The following CDH13 variants were observed in gnomAD, a reference collection of about 807,000 sequenced individuals.
The protein encoded by CDH13 is cadherin-13.
CDH13 carries 24 observed loss-of-function variants against 63.8 expected under a neutral mutation model. That is an observed-to-expected ratio of 0.38 (90% CI 0.27 to 0.53). The LOEUF (loss-of-function observed/expected upper bound fraction) is 0.53. Ranked by LOEUF, CDH13 falls within the 20% of genes least tolerant of loss-of-function variation. CDH13 has a pLI of 0.85. For synonymous variants in CDH13, 503 were observed against 355.3 expected, an observed-to-expected ratio of 1.42 and a Z score of -4.67; for missense variants, 1,049 against 903.1, an observed-to-expected ratio of 1.16 and a Z score of -2.07.
At chr16:82,887,258 C>G (rs1379825880) in intron 2 of CDH13, among the ~76,000 whole-genome samples, 1 of 152,130 alleles carries the variant, frequency 6.6e-6, no homozygotes, top group African/African-American at 2.4e-5. Flanking sequence ...GTTGTGACTA[C>G]TACACAAAAG....
At chr16:82,632,742 C>G (rs1908168548) in intron 1 of CDH13, among the ~76,000 whole-genome samples, 1 of 152,160 alleles carries the variant, frequency 6.6e-6, no homozygotes, top group South Asian at 2.1e-4. Context: ...AAGCACATTA[C>G]ATTTATTATG....
intron 6 of CDH13, among the ~76,000 whole-genome samples, chr16:83,409,468 C>T (rs2092095798): frequency 6.6e-6 from 1 of 152,160 alleles, no homozygotes; most frequent in Admixed American, 6.5e-5. Flanking sequence ...GAGCCTGCTC[C>T]AAGAATGGTT....
intron 1 of CDH13, among the ~76,000 whole-genome samples, chr16:82,683,376 G>C (rs1914749297): frequency 6.6e-6 from 1 of 152,088 alleles, no homozygotes; most frequent in Admixed American, 6.5e-5. Context: ...TATCTGACTT[G>C]CTGAGCTCAC....
chr16:82,860,575 G>C (rs988725641), intron 2 of CDH13, among the ~76,000 whole-genome samples: 15 of 151,870 alleles, frequency 9.9e-5, no homozygotes, highest in Admixed American at 3.3e-4. Context: ...TTGTATATGA[G>C]TTGTTGGGTC....
chr16:83,704,317 T>G (rs1008784629), intron 10 of CDH13, among the ~76,000 whole-genome samples: 2 of 152,126 alleles, frequency 1.3e-5, no homozygotes. Context: ...CCCTCAAAGA[T>G]ACAATAAAAT....
At chr16:83,117,185 T>C (rs1448423367) in intron 3 of CDH13, among the ~76,000 whole-genome samples, 1 of 152,218 alleles carries the variant, frequency 6.6e-6, no homozygotes, top group Non-Finnish European at 1.5e-5. Flanking sequence ...TCACTCCTCA[T>C]GCGGAGTAAA....
chr16:83,220,352 G>A (rs1288417169), intron 5 of CDH13, among the ~76,000 whole-genome samples: 1 of 152,166 alleles, frequency 6.6e-6, no homozygotes, highest in Non-Finnish European at 1.5e-5. Flanking sequence ...CATTCCAAGT[G>A]CCTGTTTAAG....
At chr16:82,779,371 C>T (rs576821049) in intron 1 of CDH13, among the ~76,000 whole-genome samples, 5 of 152,294 alleles carry the variant, frequency 3.3e-5, no homozygotes, top group South Asian at 4.1e-4. Flanking sequence ...GAGCAGAGGC[C>T]GCTTTGAGAA....
rs1381520521 is a variant in CDH13, at chr16:83,047,550, A to G, written c.366+15332A>G. 6.6e-6 allele frequency among the ~76,000 whole-genome samples: 1 copy of G among 152,138 alleles called. No individual in the cohort carries two copies. Among genetic ancestry groups the G allele is most frequent in the Non-Finnish European group, 1.5e-5 (1 of 68,034 alleles). ...ATAAGAAAGAAGACCTAAAAACTGA[A>G]TTTTTAAAATACAAACAGAAAAAAA... On this transcript the variant is annotated intron_variant, in intron 3 of 13. Coordinates refer to ENST00000567109, the MANE Select transcript of CDH13 (RefSeq NM_001257.5). This position sits in a 1 kb window ranked among gnomAD's most constrained non-coding sequence, Gnocchi z 4.9.
chr16:83,647,098 C>T (rs1911895967), intron 8 of CDH13, among the ~76,000 whole-genome samples: 1 of 152,026 alleles, frequency 6.6e-6, no homozygotes, highest in African/African-American at 2.4e-5. Flanking sequence ...ATCACGAGGT[C>T]AGGAGATCGA....
chr16:83,510,739 G>A (rs559619208), intron 7 of CDH13, among the ~76,000 whole-genome samples: 167 of 152,276 alleles, frequency 1.1e-3, no homozygotes, highest in African/African-American at 3.8e-3. Context: ...TAAGCCAAAG[G>A]GGGTTTGGGT....
intron 3 of CDH13, among the ~76,000 whole-genome samples, chr16:83,089,249 A>G (rs1412275104): frequency 6.6e-6 from 1 of 152,210 alleles, no homozygotes; most frequent in Admixed American, 6.5e-5. Context: ...CTAACGTCAC[A>G]TCTCTATTTG....
rs1415629188 is a variant in CDH13 at position 83,797,874 on chromosome 16, T to C, written c.*2844T>C. The C allele has an allele frequency of 6.6e-6, 1 of 152,248 alleles. No homozygotes were observed. Among genetic ancestry groups the C allele is most frequent in the Non-Finnish European group, 1.5e-5 (1 of 68,050 alleles). 9.4% of individuals were successfully genotyped at this position (152,248 alleles called of 1,614,324 possible). On this transcript the variant is annotated 3_prime_UTR_variant, in exon 14 of 14. Coordinates refer to ENST00000567109, the MANE Select transcript of CDH13 (RefSeq NM_001257.5). ...CCTCATTTTACATACGATAAATTAA[T>C]TATTTTGGATAATTTGTTTTAATAA...
chr16:82,684,079 G>C (rs7194409), intron 1 of CDH13, among the ~76,000 whole-genome samples: 1 of 152,066 alleles, frequency 6.6e-6, no homozygotes, highest in Non-Finnish European at 1.5e-5. Flanking sequence ...GGAAGAATTC[G>C]TGAATAGCCA....
chr16:83,435,213 AT>A (rs1447073324), intron 6 of CDH13, among the ~76,000 whole-genome samples: 6 of 151,884 alleles, frequency 4.0e-5, no homozygotes, highest in Admixed American at 3.3e-4. Flanking sequence ...TGTCCGGCTA[AT>A]TGTATTTTTA....
intron 3 of CDH13, among the ~76,000 whole-genome samples, chr16:83,113,821 C>T (rs1049210363): frequency 6.6e-6 from 1 of 152,160 alleles, no homozygotes; most frequent in Non-Finnish European, 1.5e-5. Context: ...AGCTGAGAAG[C>T]AGAGCCAGGA....
intron 3 of CDH13, among the ~76,000 whole-genome samples, chr16:83,066,201 A>G (rs763916985): frequency 1.3e-5 from 2 of 152,234 alleles, no homozygotes; most frequent in Non-Finnish European, 2.9e-5. Context: ...TCTCAGCTAC[A>G]TGGTGATGAT....
intron 3 of CDH13, among the ~76,000 whole-genome samples, chr16:83,108,688 A>C (rs929672759): frequency 2.6e-5 from 4 of 152,320 alleles, no homozygotes; most frequent in African/African-American, 7.2e-5. Context: ...GCTCGAAGGC[A>C]GGGTTTTGCT....
At chr16:82,676,195 A>G (rs1666898223) in intron 1 of CDH13, among the ~76,000 whole-genome samples, 1 of 152,142 alleles carries the variant, frequency 6.6e-6, no homozygotes, top group Non-Finnish European at 1.5e-5. Context: ...CGGTTTAGTC[A>G]TCTTGGTGCT....
Sources: allele counts gnomAD v4.1 joint callset (sites outside exome capture counted in the v4.1 genomes callset), GRCh38; gene constraint gnomAD v4.1.1; non-coding constraint Gnocchi (gnomAD v3.1); transcripts MANE v1.5; gene names NCBI Gene and HGNC (gene_info 2026-07-23, HGNC 2026-07-21).